ARHGAP29: variants seen among roughly 807,000 people sequenced by gnomAD.
ARHGAP29 encodes the protein rho GTPase-activating protein 29.
Under a neutral mutation model 122.6 loss-of-function variants are expected in ARHGAP29, and 43 were observed. The observed-to-expected ratio is 0.35, with a 90% confidence interval of 0.27 to 0.45. The LOEUF is 0.45. ARHGAP29 is among the 20% of genes least tolerant of loss of function. The probability of loss-of-function intolerance (pLI) is 1.00; values close to 1 mark genes in which losing one functional copy is unlikely to be tolerated. For missense variants in ARHGAP29, 1,303 were observed against 1,477.2 expected, an observed-to-expected ratio of 0.88 and a Z score of 1.93; for synonymous variants, 506 against 497.1, an observed-to-expected ratio of 1.02 and a Z score of -0.24.
At chr1:94,247,611 C>T (rs1653866073) in intron 1 of ARHGAP29, among the ~76,000 whole-genome samples, 2 of 151,548 alleles carry the variant, frequency 1.3e-5, no homozygotes, top group South Asian at 4.1e-4. Context: ...CGCCCCACAC[C>T]TACGGCCGCC....
At chr1:94,214,600 G>A (rs1194242090) in intron 3 of ARHGAP29, among the ~76,000 whole-genome samples, 2 of 151,946 alleles carry the variant, frequency 1.3e-5, no homozygotes, top group Non-Finnish European at 2.9e-5. Flanking sequence ...AAAAGCCCAC[G>A]TTTTACCTCT....
rs373789567 is a variant in ARHGAP29 at position 94,237,570 on chromosome 1, G to T, written c.-188C>A. ...AGCCGCAGCCGCAGCCACAGCCACA[G>T]GCACCACCACCACTGCAGCCGCCAC... On this transcript the variant is annotated 5_prime_UTR_variant, in exon 1 of 23. In the 5' UTR this introduces an upstream ATG that the reference lacks. Transcript: ENST00000260526. 2.6e-5 allele frequency: 26 copies of T among 991,902 alleles called. No homozygotes were observed. The African/African-American group carries it at 4.4e-4, about 17-fold the overall frequency. The allele number at this position is 991,902 out of a possible 1,614,324, so 61.4% of individuals were successfully genotyped here.
chr1:94,288,256 A>G, the ARHGAP29 span, among the ~76,000 whole-genome samples: 1 of 152,206 alleles, frequency 6.6e-6, no homozygotes, highest in Non-Finnish European at 1.5e-5. Flanking sequence ...AGTGATGATG[A>G]GCATTTTTTC....
the ARHGAP29 span, among the ~76,000 whole-genome samples, chr1:94,303,638 A>G: frequency 6.6e-6 from 1 of 152,250 alleles, no homozygotes; most frequent in East Asian, 1.9e-4. Context: ...ACAGATGTAA[A>G]GTATTTAGTG....
At chr1:94,203,044 A>C (rs776057660) in intron 9 of ARHGAP29, 46 bp from the exon 10 acceptor site, 2 of 1,594,796 alleles carry the variant, frequency 1.3e-6, no homozygotes, top group Non-Finnish European at 1.7e-6. Flanking sequence ...CAATTTTCTA[A>C]TGGCATGCCA....
At position 94,213,561 on chromosome 1, in the gene ARHGAP29, T is replaced by C. The variant is rs368370969; in HGVS notation, c.341-4211A>G. Among the ~76,000 whole-genome samples the C allele has an allele frequency of 1.1e-4, 16 of 152,348 alleles. No individual in the cohort carries two copies. The South Asian group carries it at 2.1e-3, about 20-fold the overall frequency. ...CAGTCAGTTCTGTTGAAAGGGGCCATAGATGATACATAAATGGATAAGACT... is the reference window on the plus strand; with the variant it reads ...CAGTCAGTTCTGTTGAAAGGGGCCACAGATGATACATAAATGGATAAGACT... On this transcript the variant is annotated intron_variant, in intron 3 of 22. Coordinates refer to ENST00000260526, the MANE Select transcript of ARHGAP29 (RefSeq NM_004815.4).
At chr1:94,288,922 C>T in the ARHGAP29 span, among the ~76,000 whole-genome samples, 6 of 152,086 alleles carry the variant, frequency 3.9e-5, no homozygotes, top group Non-Finnish European at 8.8e-5. Flanking sequence ...AGTCAGGTAG[C>T]GTGATGCCTC....
the ARHGAP29 span, among the ~76,000 whole-genome samples, chr1:94,286,860 A>AAAAACTC: frequency 6.6e-6 from 1 of 152,210 alleles, no homozygotes; most frequent in African/African-American, 2.4e-5. Flanking sequence ...GTAAATGTGG[A>AAAAACTC]AAAACTCAAA....
intron 1 of ARHGAP29, among the ~76,000 whole-genome samples, chr1:94,273,573 A>C (rs891318723): frequency 4.6e-5 from 7 of 152,216 alleles, no homozygotes; most frequent in African/African-American, 1.7e-4. Context: ...TTCAGAGGCA[A>C]TTGAAATAAT....
chr1:94,243,612 C>G (rs1653688058), intron 1 of ARHGAP29, among the ~76,000 whole-genome samples: 1 of 151,938 alleles, frequency 6.6e-6, no homozygotes, highest in African/African-American at 2.4e-5. Flanking sequence ...AAGTCAATAT[C>G]TAAGCTTCCA....
intron 20 of ARHGAP29, among the ~76,000 whole-genome samples, chr1:94,179,379 A>G (rs1405919939): frequency 6.6e-6 from 1 of 152,080 alleles, no homozygotes. Context: ...GCGGATCATG[A>G]GGTCAGGAGT....
the ARHGAP29 span, among the ~76,000 whole-genome samples, chr1:94,298,315 T>A: frequency 6.6e-6 from 1 of 152,220 alleles, no homozygotes; most frequent in Non-Finnish European, 1.5e-5. Flanking sequence ...AAAATATAAA[T>A]GGTCTACATA....
Position 94,184,297 on chromosome 1 carries a change from G to A in ARHGAP29, c.2110-9C>T. The A allele has an allele frequency of 6.3e-7, 1 of 1,584,916 alleles. No homozygotes were observed. Among genetic ancestry groups the A allele is most frequent in the Admixed American group, 1.9e-5 (1 of 51,942 alleles). ...CACACACGATAAATTCCCTTCAATAGAAAAGAAAAAAATTTTGCAAAATTC... is the reference window on the plus strand; with the variant it reads ...CACACACGATAAATTCCCTTCAATAAAAAAGAAAAAAATTTTGCAAAATTC... On this transcript the variant is annotated splice_polypyrimidine_tract_variant and intron_variant, in intron 18 of 22. Coordinates refer to ENST00000260526, the MANE Select transcript of ARHGAP29 (RefSeq NM_004815.4).
At chr1:94,179,348 C>G (rs1262664387) in intron 20 of ARHGAP29, among the ~76,000 whole-genome samples, 1 of 152,076 alleles carries the variant, frequency 6.6e-6, no homozygotes, top group Admixed American at 6.5e-5. Context: ...GTAATCCCAG[C>G]ACTTTGGGAG....
At chr1:94,179,518 C>A (rs1427652176) in intron 20 of ARHGAP29, among the ~76,000 whole-genome samples, 1 of 147,134 alleles carries the variant, frequency 6.8e-6, no homozygotes, top group Non-Finnish European at 1.5e-5. Flanking sequence ...TGCTTGAACC[C>A]AGGAGGCGAG....
chr1:94,192,062 C>T (rs1469755971), intron 12 of ARHGAP29: 1 of 152,042 alleles, frequency 6.6e-6, no homozygotes, highest in Non-Finnish European at 1.5e-5. Context: ...TTTTATAATT[C>T]TTTTAAATCC....
At chr1:94,267,235 G>T (rs1654807525) in intron 1 of ARHGAP29, among the ~76,000 whole-genome samples, 1 of 152,296 alleles carries the variant, frequency 6.6e-6, no homozygotes, top group Non-Finnish European at 1.5e-5. Context: ...TCCTCAACAG[G>T]TGTGTTAGTA....
At chr1:94,309,293 C>T in the ARHGAP29 span, among the ~76,000 whole-genome samples, 1 of 152,174 alleles carries the variant, frequency 6.6e-6, no homozygotes, top group African/African-American at 2.4e-5. Flanking sequence ...TGATCAGGAT[C>T]ACAACAGCGA....
Position 94,217,547 on chromosome 1 carries a change from C to A in ARHGAP29, c.340+2711G>T, listed in dbSNP as rs550699919. On this transcript the variant is annotated intron_variant, in intron 3 of 22. Coordinates refer to ENST00000260526, the MANE Select transcript of ARHGAP29 (RefSeq NM_004815.4). ...ACCGTCTCAAAAAAAAAAAAAAACACTCAATGATGGACTAGGTGTGGTGGC... is the reference window on the plus strand; with the variant it reads ...ACCGTCTCAAAAAAAAAAAAAAACAATCAATGATGGACTAGGTGTGGTGGC... 4.0e-3 allele frequency among the ~76,000 whole-genome samples: 583 copies of A among 146,442 alleles called. 6 individuals are homozygous for A. The highest frequency in any genetic ancestry group is 0.019 in the Middle Eastern group (5 of 266).
Sources: allele counts gnomAD v4.1 joint callset (sites outside exome capture counted in the v4.1 genomes callset), GRCh38; gene constraint gnomAD v4.1.1; transcripts MANE v1.5; gene names NCBI Gene and HGNC (gene_info 2026-07-23, HGNC 2026-07-21).